Variants in IL36A observed in about 807,000 individuals in gnomAD.
The protein encoded by IL36A is interleukin-36 alpha.
A neutral mutation model predicts 12.7 loss-of-function variants in IL36A; 13 were observed. The observed-to-expected ratio is 1.02, with a 90% confidence interval of 0.67 to 1.63. The LOEUF (loss-of-function observed/expected upper bound fraction) is 1.63. Ranked by LOEUF, IL36A falls within the 40% of genes most tolerant of loss-of-function variation. IL36A has a pLI of 0.00. For synonymous variants in IL36A, 73 were observed against 71.9 expected, an observed-to-expected ratio of 1.01 and a Z score of -0.08; for missense variants, 195 against 192.9, an observed-to-expected ratio of 1.01 and a Z score of -0.07.
chr2:113,007,205 G>A (rs1344012804), intron 3 of IL36A, among the ~76,000 whole-genome samples: 2 of 152,164 alleles, frequency 1.3e-5, no homozygotes, highest in Admixed American at 1.3e-4. Context: ...ACCCTTTTCA[G>A]TAAACAAGCA....
At chr2:113,008,711 A>C (rs986093551), downstream of IL36A, among the ~76,000 whole-genome samples, 3 of 152,072 alleles carry the variant, frequency 2.0e-5, no homozygotes, top group Non-Finnish European at 4.4e-5. Context: ...ACCAAAAAGA[A>C]AACTGCGCCA....
rs754983175 is a variant in IL36A at position 113,005,750 on chromosome 2, G to A, written c.-122G>A. On this transcript the variant is annotated 5_prime_UTR_variant, in exon 1 of 4. Coordinates refer to ENST00000259211, the MANE Select transcript of IL36A (RefSeq NM_014440.3). ...GACTGGGGTCACTGCTGGGCTGGCC[G>A]CCAGTCTTTCATCTGACCCAGGGTT... is the stretch of plus-strand genomic sequence containing the variant. 2.0e-4 allele frequency: 216 copies of A among 1,082,170 alleles called. No individual in the cohort carries two copies. Among genetic ancestry groups the A allele is most frequent in the Non-Finnish European group, 2.8e-4 (194 of 697,022 alleles). The allele number at this position is 1,082,170 out of a possible 1,614,324, so 67.0% of individuals were successfully genotyped here. A position where few individuals can be genotyped will look rare whatever the true frequency, so the allele number is the denominator to read the frequency against.
At chr2:113,009,418 C>T (rs1573356986), downstream of IL36A, among the ~76,000 whole-genome samples, 2 of 151,850 alleles carry the variant, frequency 1.3e-5, no homozygotes, top group South Asian at 4.2e-4. Context: ...CCTAAATGTC[C>T]AACAACGATA....
At position 113,005,876 on chromosome 2, in the gene IL36A, A is replaced by G; in HGVS notation, c.5A>G (p.Glu2Gly). M[E>G]KALKIDTPQQ... Reference sequence around the variant, plus strand: ...TTCTGAAACAACACCACCACAATGGAAAAAGGTAAAGATCCTCGTGGAAGG... The same window carrying G: ...TTCTGAAACAACACCACCACAATGGGAAAAGGTAAAGATCCTCGTGGAAGG... The change falls in exon 1 of 4, where the codon GAA (glutamate) becomes GGA (glycine). Residue 2 changes from glutamate (E) to glycine (G), a missense_variant. Transcript: ENST00000259211. The G allele has an allele frequency of 1.2e-6, 2 of 1,613,942 alleles. No homozygotes were observed. Among genetic ancestry groups the G allele is most frequent in the Non-Finnish European group, 1.7e-6 (2 of 1,179,834 alleles).
chr2:113,009,187 A>G (rs1684691493), downstream of IL36A, among the ~76,000 whole-genome samples: 1 of 151,660 alleles, frequency 6.6e-6, no homozygotes, highest in African/African-American at 2.4e-5. Context: ...TCCATGATGT[A>G]TATGTGGCAC....
intron 2 of IL36A, 61 bp downstream of exon 2, chr2:113,006,148 C>A: frequency 9.3e-7 from 1 of 1,074,552 alleles, no homozygotes; most frequent in Non-Finnish European, 1.4e-6. Context: ...GTGTTTGGTG[C>A]TCAGATGTTA....
downstream of IL36A, among the ~76,000 whole-genome samples, chr2:113,008,817 TAAA>T (rs781225712): frequency 1.5e-4 from 19 of 124,728 alleles, no homozygotes; most frequent in Non-Finnish European, 1.5e-4. Flanking sequence ...TTTTTTTTTT[TAAA>T]AATTTTATTA....
downstream of IL36A, among the ~76,000 whole-genome samples, chr2:113,010,077 C>A (rs1013511064): frequency 5.3e-5 from 8 of 152,116 alleles, 1 homozygote; most frequent in African/African-American, 1.7e-4. Flanking sequence ...TTATTTCTTG[C>A]CGTATTATGA....
chr2:113,008,013 C>G lies in IL36A; in HGVS notation c.446C>G (p.Thr149Ser), dbSNP rs372757172. ...ACCCAAGAACTGGGGAAAGCCAACA[C>G]TACTGACTTTGGGTTAACTATGCTG... ...ILTQELGKAN[T>S]TDFGLTMLF The change falls in exon 4 of 4, where the codon ACT (threonine) becomes AGT (serine). Residue 149 changes from threonine (T) to serine (S), a missense_variant. Coordinates refer to ENST00000259211, the MANE Select transcript of IL36A (RefSeq NM_014440.3). The G allele has an allele frequency of 1.9e-6, 3 of 1,614,206 alleles. No individual in the cohort carries two copies. Among genetic ancestry groups the G allele is most frequent in the Non-Finnish European group, 2.5e-6 (3 of 1,180,030 alleles).
chr2:113,007,861 AC>A lies in IL36A; in HGVS notation c.297del (p.Glu100SerfsTer3), dbSNP rs755959531. ...EKDIMDLYNQPEPVKSFLFYH... is the reference protein window; with the variant it reads ...EKDIMDLYNQXEPVKSFLFYH... ...AGGATATAATGGATTTGTACAACCA[AC>A]CCGAGCCTGTGAAGTCCTTTCTCTT... On this transcript the variant is annotated frameshift_variant, in exon 4 of 4. Transcript: ENST00000259211. LOFTEE classifies it low-confidence loss of function (END_TRUNC). 6.2e-7 allele frequency: 1 copy of A among 1,614,086 alleles called. No homozygotes were observed. Among genetic ancestry groups the A allele is most frequent in the African/African-American group, 1.3e-5 (1 of 75,020 alleles).
intron 3 of IL36A, 113 bp from the exon 4 acceptor site, chr2:113,007,719 G>A (rs1356176718): frequency 7.5e-6 from 6 of 798,766 alleles, no homozygotes; most frequent in Non-Finnish European, 1.3e-5. Flanking sequence ...AGGTCTCCAA[G>A]CTGCTTCAAT....
At chr2:113,006,836 T>A in intron 3 of IL36A, 99 bp downstream of exon 3, 1 of 1,369,570 alleles carries the variant, frequency 7.3e-7, no homozygotes, top group Non-Finnish European at 9.9e-7. Context: ...GCATTTTTAT[T>A]TTTGGTTTCC....
Position 113,005,779 on chromosome 2 carries a change from C to T in IL36A, c.-93C>T. On this transcript the variant is annotated 5_prime_UTR_variant, in exon 1 of 4. Transcript: ENST00000259211. ...GTCTTTCATCTGACCCAGGGTTAAA[C>T]TGTGGCTTGGGACTGACTCAGGTCC... 1 of 1,415,344 alleles carries T rather than the reference C, an allele frequency of 7.1e-7. No individual in the cohort carries two copies. Among genetic ancestry groups the T allele is most frequent in the Non-Finnish European group, 1.0e-6 (1 of 998,982 alleles). 87.7% of individuals were successfully genotyped at this position (1,415,344 alleles called of 1,614,324 possible). A position where few individuals can be genotyped will look rare whatever the true frequency, so the allele number is the denominator to read the frequency against.
At chr2:113,007,811 T>C (rs1684652969) in intron 3 of IL36A, 21 bp from the exon 4 acceptor site, 1 of 1,574,336 alleles carries the variant, frequency 6.4e-7, no homozygotes, top group Non-Finnish European at 8.7e-7. Flanking sequence ...TTCTTGCTGG[T>C]GTCTCCTTCG....
downstream of IL36A, among the ~76,000 whole-genome samples, chr2:113,010,735 T>A (rs1257858848): frequency 6.6e-6 from 1 of 152,244 alleles, no homozygotes; most frequent in Admixed American, 6.5e-5. Context: ...TGGCTTAAAA[T>A]GAGATATACT....
At chr2:113,005,922 T>A in intron 1 of IL36A, 41 bp downstream of exon 1, 1 of 1,612,754 alleles carries the variant, frequency 6.2e-7, no homozygotes, top group South Asian at 1.1e-5. Flanking sequence ...GACAAGGGGG[T>A]GATATTCTGT....
At chr2:113,006,503 G>C (rs1030995472) in intron 2 of IL36A, 95 bp from the exon 3 acceptor site, 29 of 1,389,470 alleles carry the variant, frequency 2.1e-5, no homozygotes, top group South Asian at 2.5e-5. Flanking sequence ...TGAGTGCACT[G>C]TGAGTGTCAG....
chr2:113,009,044 T>C (rs796775475), downstream of IL36A, among the ~76,000 whole-genome samples: 17 of 148,416 alleles, frequency 1.1e-4, no homozygotes, highest in African/African-American at 3.7e-4. Context: ...TTGTTCAATT[T>C]CCACCTATGA....
downstream of IL36A, among the ~76,000 whole-genome samples, chr2:113,008,254 A>G (rs1363918043): frequency 1.3e-5 from 2 of 152,298 alleles, no homozygotes; most frequent in Non-Finnish European, 2.9e-5. Flanking sequence ...GGGCCTTGCC[A>G]TGAGCATGTG....
Sources: gnomAD v4.1 joint callset for allele counts (sites outside exome capture counted in the v4.1 genomes callset) on GRCh38, gnomAD v4.1.1 for gene constraint, MANE v1.5 for transcripts, NCBI Gene and HGNC (gene_info 2026-07-23, HGNC 2026-07-21) for gene names.